Variants in AGMO observed in about 807,000 individuals in gnomAD.
The protein encoded by AGMO is alkylglycerol monooxygenase.
AGMO carries 75 observed loss-of-function variants against 60.2 expected under a neutral mutation model. The observed-to-expected ratio is 1.25, with a 90% CI of 1.03 to 1.51. The LOEUF (loss-of-function observed/expected upper bound fraction) is 1.51. Among genes scored for constraint, AGMO ranks in the 40% most tolerant of loss-of-function variants. The pLI is 0.00. For synonymous variants in AGMO, 261 were observed against 177.1 expected, an observed-to-expected ratio of 1.47 and a Z score of -3.76; for missense variants, 763 against 525.5, an observed-to-expected ratio of 1.45 and a Z score of -4.42.
chr7:15,425,790 T>C (rs1185898307), intron 4 of AGMO, among the ~76,000 whole-genome samples: 1 of 152,174 alleles, frequency 6.6e-6, no homozygotes, highest in African/African-American at 2.4e-5. Context: ...TTTTTTAGGG[T>C]TGCTAATATG....
the AGMO span, among the ~76,000 whole-genome samples, chr7:15,144,899 T>G: frequency 1.9e-4 from 29 of 152,256 alleles, no homozygotes; most frequent in East Asian, 5.8e-4. Flanking sequence ...GTGCGATCTC[T>G]GCTCACTGCA....
At chr7:15,295,422 A>AT (rs1295215336) in intron 12 of AGMO, among the ~76,000 whole-genome samples, 1 of 152,106 alleles carries the variant, frequency 6.6e-6, no homozygotes. Flanking sequence ...ATTAAACAAG[A>AT]TGAGAAATTG....
chr7:15,556,051 C>A (rs542834152), intron 2 of AGMO, among the ~76,000 whole-genome samples: 1 of 151,946 alleles, frequency 6.6e-6, no homozygotes, highest in East Asian at 1.9e-4. Context: ...AAAGTCATCA[C>A]CCAAAATTAT....
At chr7:15,292,124 C>A (rs1373183538) in intron 12 of AGMO, among the ~76,000 whole-genome samples, 1 of 152,040 alleles carries the variant, frequency 6.6e-6, no homozygotes, top group African/African-American at 2.4e-5. Flanking sequence ...GAAAATAATA[C>A]AAATTAGAAG....
At chr7:15,387,023 GGAGTT>G (rs767974516) in intron 9 of AGMO, among the ~76,000 whole-genome samples, 97 of 152,238 alleles carry the variant, frequency 6.4e-4, no homozygotes, top group Non-Finnish European at 2.6e-4. Context: ...TTTCATGAGT[GGAGTT>G]AAGTTTAGAC....
At chr7:15,343,515 G>A (rs1451335616) in intron 12 of AGMO, among the ~76,000 whole-genome samples, 1 of 152,072 alleles carries the variant, frequency 6.6e-6, no homozygotes, top group Non-Finnish European at 1.5e-5. Flanking sequence ...TTACTTTTTG[G>A]CATCTATAAT....
chr7:15,388,690 C>A (rs561820946), intron 8 of AGMO, among the ~76,000 whole-genome samples: 1 of 152,156 alleles, frequency 6.6e-6, no homozygotes, highest in African/African-American at 2.4e-5. Flanking sequence ...CAAACAAAAC[C>A]CTGTGTCTGT....
chr7:15,249,736 TC>T (rs1782877414), intron 12 of AGMO, among the ~76,000 whole-genome samples: 1 of 152,100 alleles, frequency 6.6e-6, no homozygotes, highest in South Asian at 2.1e-4. Context: ...ATGAGGTACA[TC>T]TATTTCCCCA....
At chr7:15,474,850 TA>T (rs200490171) in intron 3 of AGMO, among the ~76,000 whole-genome samples, 25 of 150,476 alleles carry the variant, frequency 1.7e-4, no homozygotes, top group East Asian at 5.9e-4. Context: ...CAAATTTACA[TA>T]AAAAAAACAA....
Position 15,396,496 on chromosome 7 carries a change from G to A in AGMO, c.610-2317C>T, listed in dbSNP as rs554104382. The A allele has an allele frequency of 5.9e-5, 9 of 152,380 alleles. No homozygotes were observed. The East Asian group carries it at 1.2e-3, about 20-fold the overall frequency. The allele number at this position is 152,380 out of a possible 1,614,324, so 9.4% of individuals were successfully genotyped here. On this transcript the variant is annotated intron_variant, in intron 5 of 12. Transcript: ENST00000342526. ...CTCATAAACGTGGCAGGGACCCAAA[G>A]AACGAGCAGCAGCAATACATACATT...
chr7:15,347,976 CTAAATA>C (rs1782094844), intron 12 of AGMO, among the ~76,000 whole-genome samples: 2 of 152,034 alleles, frequency 1.3e-5, no homozygotes, highest in African/African-American at 4.8e-5. Flanking sequence ...TTTACTCTTA[CTAAATA>C]TAGTTTACTC....
At chr7:15,200,298 A>G (rs1018976025), downstream of AGMO, 2 of 152,186 alleles carry the variant, frequency 1.3e-5, no homozygotes, top group Admixed American at 6.5e-5. Flanking sequence ...TACAATCCCA[A>G]TGAACAATGT....
intron 3 of AGMO, among the ~76,000 whole-genome samples, chr7:15,456,344 T>C (rs1027694227): frequency 2.0e-5 from 3 of 152,252 alleles, no homozygotes; most frequent in African/African-American, 7.2e-5. Context: ...TTTGTTGTTA[T>C]TGTCACTTGG....
intron 1 of AGMO, among the ~76,000 whole-genome samples, chr7:15,560,547 G>C (rs2115318623): frequency 6.6e-6 from 1 of 152,210 alleles, no homozygotes; most frequent in East Asian, 1.9e-4. Context: ...ATAAGATTAA[G>C]AGGAACATCT....
intron 12 of AGMO, among the ~76,000 whole-genome samples, chr7:15,266,896 C>A (rs1161014808): frequency 5.3e-5 from 8 of 151,924 alleles, no homozygotes; most frequent in Non-Finnish European, 1.0e-4. Context: ...TATCAGTAAT[C>A]TCAAACTAGA....
At chr7:15,273,896 A>G (rs150944269) in intron 12 of AGMO, among the ~76,000 whole-genome samples, 3,899 of 152,154 alleles carry the variant, frequency 0.026, 166 homozygotes, top group African/African-American at 0.088. Context: ...TGTGAATGGG[A>G]GTTCTATCAT....
At chr7:15,258,167 G>C (rs1364207238) in intron 12 of AGMO, among the ~76,000 whole-genome samples, 1 of 152,070 alleles carries the variant, frequency 6.6e-6, no homozygotes, top group South Asian at 2.1e-4. Context: ...ATCATCTTTA[G>C]TTATGAGCCA....
chr7:15,377,413 G>A (rs1783498026), intron 10 of AGMO, among the ~76,000 whole-genome samples: 1 of 151,954 alleles, frequency 6.6e-6, no homozygotes, highest in South Asian at 2.1e-4. Flanking sequence ...GAAATCTTGA[G>A]AAAACCATGC....
At chr7:15,284,803 G>C (rs561032008) in intron 12 of AGMO, among the ~76,000 whole-genome samples, 7 of 152,036 alleles carry the variant, frequency 4.6e-5, no homozygotes, top group Admixed American at 6.6e-5. Flanking sequence ...CAATATCCCT[G>C]ATAAATACAG....
Sources: allele counts gnomAD v4.1 joint callset (sites outside exome capture counted in the v4.1 genomes callset), GRCh38; gene constraint gnomAD v4.1.1; transcripts MANE v1.5; gene names NCBI Gene and HGNC (gene_info 2026-07-23, HGNC 2026-07-21).